GLRA3: variants seen among roughly 807,000 people sequenced by gnomAD.
GLRA3 encodes glycine receptor subunit alpha-3.
GLRA3 carries 44 observed loss-of-function variants against 60.4 expected under a neutral mutation model. The ratio of observed to expected loss-of-function variants is 0.73; its 90% CI spans 0.57 to 0.94. The LOEUF is 0.94. Ranked by LOEUF, GLRA3 falls within the 40% of genes least tolerant of loss-of-function variation. GLRA3 has a pLI of 0.00. For missense variants in GLRA3, 508 were observed against 564.6 expected (o/e 0.90, Z 1.02); for synonymous variants, 223 against 192.9 (o/e 1.16, Z -1.29).
intron 9 of GLRA3, among the ~76,000 whole-genome samples, chr4:174,655,523 T>C (rs975161977): frequency 2.6e-5 from 4 of 152,168 alleles, no homozygotes; most frequent in Admixed American, 1.3e-4. Context: ...TTTCACTCTA[T>C]AGTTTCTATA....
intron 3 of GLRA3, among the ~76,000 whole-genome samples, chr4:174,747,004 G>C (rs1021609842): frequency 6.6e-6 from 1 of 152,186 alleles, no homozygotes; most frequent in African/African-American, 2.4e-5. Flanking sequence ...TACAATTAAA[G>C]AATATGGGCT....
chr4:174,734,367 A>G (rs1314570908), intron 3 of GLRA3, among the ~76,000 whole-genome samples: 1 of 152,174 alleles, frequency 6.6e-6, no homozygotes, highest in Admixed American at 6.5e-5. Flanking sequence ...CATGTTGCCT[A>G]TACCATCTGC....
chr4:174,711,252 C>A (rs890706647), intron 5 of GLRA3, among the ~76,000 whole-genome samples: 1 of 151,432 alleles, frequency 6.6e-6, no homozygotes, highest in Non-Finnish European at 1.5e-5. Context: ...TTTCCATATG[C>A]TGAAAACAAA....
At chr4:174,790,187 G>A (rs1739271295) in intron 1 of GLRA3, among the ~76,000 whole-genome samples, 1 of 152,094 alleles carries the variant, frequency 6.6e-6, no homozygotes, top group African/African-American at 2.4e-5. Flanking sequence ...TGGGCACTCT[G>A]AGTCACTTGT....
chr4:174,674,130 C>T (rs1734013755), intron 7 of GLRA3, among the ~76,000 whole-genome samples: 1 of 152,142 alleles, frequency 6.6e-6, no homozygotes. Flanking sequence ...ATCTGGTCTT[C>T]AAACAGAAGT....
At chr4:174,741,224 C>T (rs1199679400) in intron 3 of GLRA3, among the ~76,000 whole-genome samples, 1 of 152,176 alleles carries the variant, frequency 6.6e-6, no homozygotes, top group African/African-American at 2.4e-5. Context: ...TTTCTTTGCA[C>T]TCTTATCAGT....
chr4:174,721,491 A>AAC (rs145306949), intron 4 of GLRA3, among the ~76,000 whole-genome samples: 464 of 118,632 alleles, frequency 3.9e-3, no homozygotes, highest in African/African-American at 0.013. Flanking sequence ...AACATATATA[A>AAC]ACAAGTAATA....
At position 174,828,859 on chromosome 4, in the gene GLRA3, T is replaced by A; in HGVS notation, c.-48A>T. 1 of 1,213,020 alleles carries A rather than the reference T, an allele frequency of 8.2e-7. No homozygotes were observed. The highest frequency in any genetic ancestry group is 1.2e-6 in the Non-Finnish European group (1 of 813,648). 75.1% of individuals were successfully genotyped at this position (1,213,020 alleles called of 1,614,324 possible). A position where few individuals can be genotyped will look rare whatever the true frequency, so the allele number is the denominator to read the frequency against. Reference sequence around the variant, plus strand: ...CCTGAAAATAGTCTTATCCAAGGCATGGGGAACCAGAAAGACAGAATGAAA... The same window carrying A: ...CCTGAAAATAGTCTTATCCAAGGCAAGGGGAACCAGAAAGACAGAATGAAA... On this transcript the variant is annotated 5_prime_UTR_variant, in exon 1 of 10. An upstream start codon of the reference 5' UTR is lost. Coordinates refer to ENST00000274093, the MANE Select transcript of GLRA3 (RefSeq NM_006529.4).
intron 3 of GLRA3, among the ~76,000 whole-genome samples, chr4:174,739,021 C>A (rs1736905082): frequency 6.6e-6 from 1 of 152,202 alleles, no homozygotes; most frequent in Non-Finnish European, 1.5e-5. Context: ...CTCAGTAAAG[C>A]CCTGCTCAGA....
In GLRA3 at chr4:174,638,265, T is replaced by A. The variant is rs1021406670; in HGVS notation, c.*5521A>T. On this transcript the variant is annotated 3_prime_UTR_variant, in exon 10 of 10. Coordinates refer to ENST00000274093, the MANE Select transcript of GLRA3 (RefSeq NM_006529.4). ...GGGAGGAAAGCTGAATTGAAACGCA[T>A]CAAAGATTTATTTTAAATTCTTTTT... The A allele has an allele frequency of 3.9e-5, 6 of 152,162 alleles. No individual in the cohort carries two copies. Among genetic ancestry groups the A allele is most frequent in the African/African-American group, 1.2e-4 (5 of 41,428 alleles). 9.4% of individuals were successfully genotyped at this position (152,162 alleles called of 1,614,324 possible). A position where few individuals can be genotyped will look rare whatever the true frequency, so the allele number is the denominator to read the frequency against.
intron 7 of GLRA3, among the ~76,000 whole-genome samples, chr4:174,667,594 C>T (rs1427588768): frequency 1.3e-5 from 2 of 152,072 alleles, no homozygotes; most frequent in African/African-American, 4.8e-5. Flanking sequence ...AAGTAGAGTC[C>T]AGGTAGTGCT....
chr4:174,660,712 A>G (rs951446526), intron 7 of GLRA3, among the ~76,000 whole-genome samples: 4 of 152,294 alleles, frequency 2.6e-5, no homozygotes, highest in Non-Finnish European at 5.9e-5. Context: ...GTGATTTTCT[A>G]ATTTCTTTAT....
chr4:174,825,138 A>G (rs1041807952), intron 1 of GLRA3, among the ~76,000 whole-genome samples: 1 of 152,102 alleles, frequency 6.6e-6, no homozygotes, highest in African/African-American at 2.4e-5. Flanking sequence ...TTCAGGGAAA[A>G]AGGGAAGGAT....
At chr4:174,774,395 T>C (rs1561109763) in intron 2 of GLRA3, among the ~76,000 whole-genome samples, 1 of 151,946 alleles carries the variant, frequency 6.6e-6, no homozygotes, top group African/African-American at 2.4e-5. Flanking sequence ...TGTGTGTGCA[T>C]GCATATGTGT....
At chr4:174,713,688 C>CT (rs1387269082) in intron 5 of GLRA3, 5 of 152,144 alleles carry the variant, frequency 3.3e-5, no homozygotes, top group Non-Finnish European at 7.4e-5. Context: ...AATTTGCCAT[C>CT]TTTGCCTTTG....
chr4:174,737,639 G>C (rs996089289), intron 3 of GLRA3, among the ~76,000 whole-genome samples: 1 of 152,014 alleles, frequency 6.6e-6, no homozygotes, highest in East Asian at 1.9e-4. Flanking sequence ...TCAGCTCTAA[G>C]AAGCCAGGAT....
intron 3 of GLRA3, among the ~76,000 whole-genome samples, chr4:174,732,412 G>T (rs1322163912): frequency 1.3e-5 from 2 of 149,578 alleles, no homozygotes; most frequent in African/African-American, 4.9e-5. Context: ...TTTGATATAT[G>T]CACACTCAGG....
At chr4:174,811,565 A>G (rs1295716721) in intron 1 of GLRA3, among the ~76,000 whole-genome samples, 4 of 152,196 alleles carry the variant, frequency 2.6e-5, no homozygotes, top group African/African-American at 9.7e-5. Flanking sequence ...CATAGGTTAT[A>G]TCACAAATGT....
In GLRA3 at chr4:174,728,708, A is replaced by C; in HGVS notation, c.268-10T>G. 1.4e-6 allele frequency: 2 copies of C among 1,469,586 alleles called. No homozygotes were observed. The highest frequency in any genetic ancestry group is 2.2e-5 in the Admixed American group (1 of 46,086). 91.0% of individuals were successfully genotyped at this position (1,469,586 alleles called of 1,614,324 possible). On this transcript the variant is annotated splice_polypyrimidine_tract_variant and intron_variant, in intron 3 of 9. Coordinates refer to ENST00000274093, the MANE Select transcript of GLRA3 (RefSeq NM_006529.4). ...TATTCACTCTGTAATCCTATGATAA[A>C]ATAATGAAAGAAAGAAAAAAAAAAA... is the stretch of plus-strand genomic sequence containing the variant.
Sources: gnomAD v4.1 joint callset for allele counts (sites outside exome capture counted in the v4.1 genomes callset) on GRCh38, gnomAD v4.1.1 for gene constraint, MANE v1.5 for transcripts, NCBI Gene and HGNC (gene_info 2026-07-23, HGNC 2026-07-21) for gene names.